ISG20: variants seen among roughly 807,000 people sequenced by gnomAD.
The protein encoded by ISG20 is interferon-stimulated gene 20 kDa protein.
ISG20 carries 8 observed loss-of-function variants against 11.1 expected under a neutral mutation model. That is an observed-to-expected ratio of 0.72 (90% confidence interval 0.42 to 1.30). The LOEUF is 1.30. ISG20 is among the 50% of genes most tolerant of loss of function. The pLI, the probability that ISG20 is intolerant of heterozygous loss-of-function variation, is 0.01. For synonymous variants in ISG20, 110 were observed against 101.7 expected, an observed-to-expected ratio of 1.08 and a Z score of -0.49; for missense variants, 243 against 250.2, an observed-to-expected ratio of 0.97 and a Z score of 0.19.
chr15:88,645,274 T>A (rs1473494043), intron 2 of ISG20, among the ~76,000 whole-genome samples: 1 of 152,122 alleles, frequency 6.6e-6, no homozygotes, highest in East Asian at 1.9e-4. Context: ...TCCTCCCTGG[T>A]CTCATGCGGG....
chr15:88,650,261 A>G lies in ISG20; in HGVS notation c.229-1849A>G, dbSNP rs1313811775. The G allele has an allele frequency of 2.0e-6, 3 of 1,535,678 alleles. No individual in the cohort carries two copies. In the South Asian group the frequency reaches 3.6e-5, roughly 18 times the overall value. On this transcript the variant is annotated intron_variant, in intron 2 of 3. Coordinates refer to ENST00000306072, the MANE Select transcript of ISG20 (RefSeq NM_002201.6). This position sits in a 1 kb window ranked among gnomAD's most constrained non-coding sequence, Gnocchi z 4.0. The stretch of plus-strand genomic sequence containing the variant: ...TCCCCTTCCCATCCTCTCCAACGGC[A>G]GCTGAGTGAAAGCAAGCTGACTGGC...
At chr15:88,640,089 G>C (rs1189572479) in intron 2 of ISG20, among the ~76,000 whole-genome samples, 1 of 152,194 alleles carries the variant, frequency 6.6e-6, no homozygotes, top group African/African-American at 2.4e-5. Flanking sequence ...TCCTGAGTTC[G>C]TGGTCCAGGG....
In ISG20 at chr15:88,650,398, C is replaced by A; in HGVS notation, c.229-1712C>A. 6.6e-7 allele frequency: 1 copy of A among 1,523,242 alleles called. No homozygotes were observed. Among genetic ancestry groups the A allele is most frequent in the South Asian group, 1.2e-5 (1 of 82,208 alleles). 94.4% of individuals were successfully genotyped at this position (1,523,242 alleles called of 1,614,324 possible). On this transcript the variant is annotated intron_variant, in intron 2 of 3. Coordinates refer to ENST00000306072, the MANE Select transcript of ISG20 (RefSeq NM_002201.6). This position sits in a 1 kb window ranked among gnomAD's most constrained non-coding sequence, Gnocchi z 4.0. Reference sequence around the variant, plus strand: ...CTGCTGGAGGCCTGGAGTGGTCGTTCACTCTTCTGGCTCAGTGTGGCAGTG... The same window carrying A: ...CTGCTGGAGGCCTGGAGTGGTCGTTAACTCTTCTGGCTCAGTGTGGCAGTG...
At position 88,652,129 on chromosome 15, in the gene ISG20, G is replaced by T; in HGVS notation, c.248G>T (p.Gly83Val). 3 of 1,614,036 alleles carry T rather than the reference G, an allele frequency of 1.9e-6. No individual in the cohort carries two copies. The South Asian group carries it at 3.3e-5, about 18-fold the overall frequency. Residue 83 changes from glycine to valine, a missense_variant, in exon 3 of 4, where the codon GGC becomes GTC. Coordinates refer to ENST00000306072, the MANE Select transcript of ISG20 (RefSeq NM_002201.6). ...GGCCAGATCCTGCAGCTCCTGAAAG[G>T]CAAGCTGGTGGTGGGTCATGACCTG... ...ARLEILQLLKGKLVVGHDLKH... is the reference protein window; with the variant it reads ...ARLEILQLLKVKLVVGHDLKH...
At position 88,653,158 on chromosome 15, in the gene ISG20, C is replaced by A. The variant is rs537404904; in HGVS notation, c.429+848C>A. The stretch of plus-strand genomic sequence containing the variant: ...TGCTCTAGGCCAGATCCTAGAGACG[C>A]AGGGTGAGCAAGACCCGTCTCTGTC... On this transcript the variant is annotated intron_variant, in intron 3 of 3. Transcript: ENST00000306072. Among the ~76,000 whole-genome samples the A allele has an allele frequency of 3.9e-5, 6 of 152,288 alleles. No homozygotes were observed. The South Asian group carries it at 1.2e-3, about 32-fold the overall frequency.
chr15:88,645,411 G>C (rs999838092), intron 2 of ISG20, among the ~76,000 whole-genome samples: 1 of 152,068 alleles, frequency 6.6e-6, no homozygotes. Flanking sequence ...CTTGGGAACT[G>C]CGGTCTTCGA....
In ISG20 at chr15:88,643,129, A is replaced by G. The variant is rs1432018316; in HGVS notation, c.228+3535A>G. Among the ~76,000 whole-genome samples, 1 of 151,932 alleles carries G rather than the reference A, an allele frequency of 6.6e-6. No homozygotes were observed. Among genetic ancestry groups the G allele is most frequent in the Non-Finnish European group, 1.5e-5 (1 of 67,972 alleles). On this transcript the variant is annotated intron_variant, in intron 2 of 3. Transcript: ENST00000306072. The surrounding 1 kb of genome is among the most constrained non-coding windows in gnomAD (Gnocchi z 4.4). ...GCATACCTGTAGTCCCAGCTACTCG[A>G]GGAGGCTGAGGTGAAGTATTGCTTG...
At chr15:88,640,112 C>T (rs999250047) in intron 2 of ISG20, among the ~76,000 whole-genome samples, 3 of 152,204 alleles carry the variant, frequency 2.0e-5, no homozygotes, top group Non-Finnish European at 4.4e-5. Context: ...TTCCTGCACT[C>T]TTGCTCTTAG....
chr15:88,639,532 G>A lies in ISG20; in HGVS notation c.166G>A (p.Val56Ile), dbSNP rs1005490421. ...AGAGATCACCGATTACAGAACCCGGGTCAGCGGGGTCACCCCTCAGCACAT... is the reference window on the plus strand; with the variant it reads ...AGAGATCACCGATTACAGAACCCGGATCAGCGGGGTCACCCCTCAGCACAT... ...EGEITDYRTR[V>I]SGVTPQHMVG... Residue 56 changes from valine to isoleucine, a missense_variant, in exon 2 of 4, where the codon GTC becomes ATC. Coordinates refer to ENST00000306072, the MANE Select transcript of ISG20 (RefSeq NM_002201.6). The surrounding 1 kb of genome is among the most constrained non-coding windows in gnomAD (Gnocchi z 4.2). 1.2e-6 allele frequency: 2 copies of A among 1,614,198 alleles called. No homozygotes were observed. Among genetic ancestry groups the A allele is most frequent in the Non-Finnish European group, 1.7e-6 (2 of 1,180,028 alleles).
Position 88,639,672 on chromosome 15 carries a change from A to G in ISG20, c.228+78A>G. On this transcript the variant is annotated intron_variant, in intron 2 of 3. Transcript: ENST00000306072. This position sits in a 1 kb window ranked among gnomAD's most constrained non-coding sequence, Gnocchi z 4.2. ...CCCTGGCCCCTCTTCCCTGGTGCCC[A>G]TCTGTGACCTGTGACCCCACTTGTA... is the stretch of plus-strand genomic sequence containing the variant. The G allele has an allele frequency of 1.8e-6, 2 of 1,141,024 alleles. No homozygotes were observed. Among genetic ancestry groups the G allele is most frequent in the East Asian group, 2.4e-5 (1 of 41,288 alleles). 70.7% of individuals were successfully genotyped at this position (1,141,024 alleles called of 1,614,324 possible). A position where few individuals can be genotyped will look rare whatever the true frequency, so the allele number is the denominator to read the frequency against.
At position 88,651,507 on chromosome 15, in the gene ISG20, T is replaced by G. The variant is rs147072766; in HGVS notation, c.229-603T>G. On this transcript the variant is annotated intron_variant, in intron 2 of 3. Transcript: ENST00000306072. Reference sequence around the variant, plus strand: ...CTAGAGGCTGCCTGAATACCTTAACTCACGGCCCCTCCCTCCATCTTCAAA... The same window carrying G: ...CTAGAGGCTGCCTGAATACCTTAACGCACGGCCCCTCCCTCCATCTTCAAA... 686 of 185,294 alleles carry G rather than the reference T, an allele frequency of 3.7e-3. 5 individuals carry two copies. Among genetic ancestry groups the G allele is most frequent in the African/African-American group, 0.016 (654 of 42,092 alleles). 11.5% of individuals were successfully genotyped at this position (185,294 alleles called of 1,614,324 possible). A position where few individuals can be genotyped will look rare whatever the true frequency, so the allele number is the denominator to read the frequency against.
rs114326750 is a variant in ISG20 at position 88,643,763 on chromosome 15, C to T, written c.228+4169C>T. Among the ~76,000 whole-genome samples the T allele has an allele frequency of 4.2e-3, 642 of 152,268 alleles. 2 individuals are homozygous for T. The highest frequency in any genetic ancestry group is 0.015 in the African/African-American group (624 of 41,554). On this transcript the variant is annotated intron_variant, in intron 2 of 3. Transcript: ENST00000306072. This position sits in a 1 kb window ranked among gnomAD's most constrained non-coding sequence, Gnocchi z 4.4. ...TATATTTCTATTGGACAACACTGTTCTAGAAGTACAGATTGAGTAGCCCTT... is the reference window on the plus strand; with the variant it reads ...TATATTTCTATTGGACAACACTGTTTTAGAAGTACAGATTGAGTAGCCCTT...
At position 88,650,587 on chromosome 15, in the gene ISG20, C is replaced by T; in HGVS notation, c.229-1523C>T. 3.0e-6 allele frequency: 2 copies of T among 674,630 alleles called. No homozygotes were observed. Among genetic ancestry groups the T allele is most frequent in the Non-Finnish European group, 4.4e-6 (2 of 458,150 alleles). The allele number at this position is 674,630 out of a possible 1,614,324, so 41.8% of individuals were successfully genotyped here. ...TTCGCTCGGCCACCTGCAGTTTGGGCAGGTGCTCTGCAGCAGGACAGGCCG... is the reference window on the plus strand; with the variant it reads ...TTCGCTCGGCCACCTGCAGTTTGGGTAGGTGCTCTGCAGCAGGACAGGCCG... On this transcript the variant is annotated intron_variant, in intron 2 of 3. Transcript: ENST00000306072. The surrounding 1 kb of genome is among the most constrained non-coding windows in gnomAD (Gnocchi z 4.0).
At chr15:88,638,541 C>A (rs922679961), upstream of ISG20, among the ~76,000 whole-genome samples, 9 of 152,194 alleles carry the variant, frequency 5.9e-5, no homozygotes, top group Admixed American at 5.2e-4. Flanking sequence ...TGGGGGCTAG[C>A]CACTCCCACC....
At chr15:88,651,245 T>A (rs1451072365) in intron 2 of ISG20, 35 of 985,470 alleles carry the variant, frequency 3.6e-5, no homozygotes, top group Non-Finnish European at 4.0e-5. Flanking sequence ...GCATTTCAGA[T>A]ATTTCCTTTG....
At chr15:88,642,350 A>G (rs1168103306) in intron 2 of ISG20, among the ~76,000 whole-genome samples, 1 of 152,342 alleles carries the variant, frequency 6.6e-6, no homozygotes, top group Non-Finnish European at 1.5e-5. Context: ...CAAATAAATC[A>G]CGTTCTGAGG....
chr15:88,650,473 A>AAC lies in ISG20; in HGVS notation c.229-1637_229-1636insAC. On this transcript the variant is annotated intron_variant, in intron 2 of 3. Transcript: ENST00000306072. The surrounding 1 kb of genome is among the most constrained non-coding windows in gnomAD (Gnocchi z 4.0). ...ACTGGCTTCAAGGCCTGGCTTTGCC[A>AAC]CTAACTAGCCGTGTGACTGTCCCAG... 1 of 1,441,852 alleles carries AAC rather than the reference A, an allele frequency of 6.9e-7. No individual in the cohort carries two copies. Among genetic ancestry groups the AAC allele is most frequent in the Non-Finnish European group, 9.1e-7 (1 of 1,100,810 alleles). The allele number at this position is 1,441,852 out of a possible 1,614,324, so 89.3% of individuals were successfully genotyped here.
intron 2 of ISG20, chr15:88,651,523 C>T (rs536168018): frequency 6.1e-4 from 110 of 179,310 alleles, no homozygotes; most frequent in Non-Finnish European, 9.6e-4. Flanking sequence ...CCCCTCCCTC[C>T]ATCTTCAAAG....
At chr15:88,648,192 A>G (rs563918371) in intron 2 of ISG20, 1 of 152,496 alleles carries the variant, frequency 6.6e-6, no homozygotes. Context: ...CCAAGAATGA[A>G]TGAATGGGTA....
Sources: allele counts gnomAD v4.1 joint callset (sites outside exome capture counted in the v4.1 genomes callset), GRCh38; gene constraint gnomAD v4.1.1; non-coding constraint Gnocchi (gnomAD v3.1); transcripts MANE v1.5; gene names NCBI Gene and HGNC (gene_info 2026-07-23, HGNC 2026-07-21).